Variants in AGAP1 observed in about 807,000 individuals in gnomAD.
The protein encoded by AGAP1 is ArfGAP with GTPase domain, ankyrin repeat and PH domain 1, also known as arf-GAP with GTPase, ANK repeat and PH domain-containing protein 1.
Under a neutral mutation model 105.3 loss-of-function variants are expected in AGAP1, and 29 were observed. That is an observed-to-expected ratio of 0.28 (90% CI 0.21 to 0.38). AGAP1 has a LOEUF of 0.38. AGAP1 is among the 10% of genes least tolerant of loss of function. The pLI is 1.00. For synonymous variants in AGAP1, 509 were observed against 485.9 expected, an observed-to-expected ratio of 1.05 and a Z score of -0.63; for missense variants, 998 against 1,165.1, an observed-to-expected ratio of 0.86 and a Z score of 2.09.
At chr2:236,025,480 G>A (rs1192348423) in intron 13 of AGAP1, among the ~76,000 whole-genome samples, 2 of 152,152 alleles carry the variant, frequency 1.3e-5, no homozygotes, top group African/African-American at 4.8e-5. Context: ...TTGAACCTTA[G>A]GAGGAGCATG....
chr2:235,809,863 C>T (rs1376010781), intron 9 of AGAP1, among the ~76,000 whole-genome samples: 1 of 152,170 alleles, frequency 6.6e-6, no homozygotes, highest in Non-Finnish European at 1.5e-5. Context: ...AATAAATGAA[C>T]AATTAAATGA....
At chr2:235,686,554 T>C (rs202244666) in intron 1 of AGAP1, among the ~76,000 whole-genome samples, 6,745 of 51,114 alleles carry the variant, frequency 0.13, 585 homozygotes, top group African/African-American at 0.35. Context: ...GAGATATATA[T>C]ATACACACAC....
rs1318485047 is a variant in AGAP1 at position 236,042,137 on chromosome 2, G to A, written c.1891+1296G>A. ...GAGATGGACCCTGAGCTCCACTTGG[G>A]GAGATGGATCTGGCCAGACCATTTT... On this transcript the variant is annotated intron_variant, in intron 15 of 17. Coordinates refer to ENST00000304032, the MANE Select transcript of AGAP1 (RefSeq NM_001037131.3). This position sits in a 1 kb window ranked among gnomAD's most constrained non-coding sequence, Gnocchi z 5.6. Among the ~76,000 whole-genome samples the A allele has an allele frequency of 6.6e-6, 1 of 152,200 alleles. No homozygotes were observed. Among genetic ancestry groups the A allele is most frequent in the African/African-American group, 2.4e-5 (1 of 41,438 alleles).
intron 1 of AGAP1, among the ~76,000 whole-genome samples, chr2:235,528,034 T>C (rs1014586132): frequency 6.6e-6 from 1 of 152,230 alleles, no homozygotes; most frequent in Non-Finnish European, 1.5e-5. Flanking sequence ...TTCTCAGCAA[T>C]GCAGTGAGGA....
chr2:235,707,371 T>C (rs932830247), intron 1 of AGAP1, among the ~76,000 whole-genome samples: 3 of 151,684 alleles, frequency 2.0e-5, no homozygotes, highest in African/African-American at 7.3e-5. Context: ...GAGCAGGGAG[T>C]GTTCCTCTGA....
At chr2:235,968,675 T>G (rs750760643) in intron 13 of AGAP1, 52 bp downstream of exon 13, 2 of 1,559,824 alleles carry the variant, frequency 1.3e-6, no homozygotes, top group Non-Finnish European at 1.7e-6. Flanking sequence ...GAAAATTCTC[T>G]GTTATTTTTC....
chr2:236,037,049 AAGAG>A (rs1210070065), intron 14 of AGAP1, among the ~76,000 whole-genome samples: 3 of 152,172 alleles, frequency 2.0e-5, no homozygotes, highest in African/African-American at 4.8e-5. Context: ...CTCAGAAAAA[AAGAG>A]AGACGGACTT....
chr2:235,725,554 C>T lies in AGAP1; in HGVS notation c.310+7910C>T, dbSNP rs1368420559. 2.7e-5 allele frequency among the ~76,000 whole-genome samples: 4 copies of T among 150,726 alleles called. No individual in the cohort carries two copies. Among genetic ancestry groups the T allele is most frequent in the South Asian group, 2.1e-4 (1 of 4,794 alleles). On this transcript the variant is annotated intron_variant, in intron 3 of 17. Transcript: ENST00000304032. This position sits in a 1 kb window ranked among gnomAD's most constrained non-coding sequence, Gnocchi z 5.7. ...AATACTCCAGTAACATTTGACTAGT[C>T]GTGAAATCTAGCCATTTAGATTTTT...
chr2:235,853,196 A>G (rs935304426), intron 9 of AGAP1: 1 of 1,055,522 alleles, frequency 9.5e-7, no homozygotes, highest in African/African-American at 1.7e-5. Flanking sequence ...TTAAAATCCA[A>G]GATTGAGCGG....
At chr2:235,514,784 C>T (rs1055310821) in intron 1 of AGAP1, among the ~76,000 whole-genome samples, 3 of 152,218 alleles carry the variant, frequency 2.0e-5, no homozygotes, top group Non-Finnish European at 2.9e-5. Flanking sequence ...TCATCCAGGA[C>T]TGGACACGTG....
rs75085373 is a variant in AGAP1, at chr2:235,994,104, A to G, written c.1645+25481A>G. ...GTGTCCCCCAGCTTCTAATTCCTCT[A>G]GAATATCATGCCCAGGTTAGGCACT... On this transcript the variant is annotated intron_variant, in intron 13 of 17. Coordinates refer to ENST00000304032, the MANE Select transcript of AGAP1 (RefSeq NM_001037131.3). This position sits in a 1 kb window ranked among gnomAD's most constrained non-coding sequence, Gnocchi z 4.4. Among the ~76,000 whole-genome samples, 17 of 152,186 alleles carry G rather than the reference A, an allele frequency of 1.1e-4. No individual in the cohort carries two copies. The East Asian group carries it at 2.9e-3, about 26-fold the overall frequency.
In AGAP1 at chr2:235,867,570, T is replaced by TGTGC. The variant is rs1553655405; in HGVS notation, c.1051-15772_1051-15771insCGTG. ...GTGTGTGTGTGTGTGTGTGTGTGTGTGTGTGCAAGTGAGGGAGGGTGACCC... is the reference window on the plus strand; with the variant it reads ...GTGTGTGTGTGTGTGTGTGTGTGTGTGTGCGTGTGCAAGTGAGGGAGGGTGACCC... On this transcript the variant is annotated intron_variant, in intron 9 of 17. Coordinates refer to ENST00000304032, the MANE Select transcript of AGAP1 (RefSeq NM_001037131.3). The surrounding 1 kb of genome is among the most constrained non-coding windows in gnomAD (Gnocchi z 5.4). Among the ~76,000 whole-genome samples the TGTGC allele has an allele frequency of 6.6e-6, 1 of 150,584 alleles. No homozygotes were observed. The highest frequency in any genetic ancestry group is 1.5e-5 in the Non-Finnish European group (1 of 67,632).
chr2:235,975,061 A>T (rs1480848045), intron 13 of AGAP1, among the ~76,000 whole-genome samples: 1 of 152,238 alleles, frequency 6.6e-6, no homozygotes, highest in Non-Finnish European at 1.5e-5. Flanking sequence ...CTTAATTTTT[A>T]TTGTGCAGAT....
rs530461449 is a variant in AGAP1, at chr2:235,953,491, G to A, written c.1484-14971G>A. ...CTAAGCCTTAAATAGGCAATTAGAA[G>A]TATACTGCATTTTTTTCCCTCCAGC... On this transcript the variant is annotated intron_variant, in intron 12 of 17. Transcript: ENST00000304032. The surrounding 1 kb of genome is among the most constrained non-coding windows in gnomAD (Gnocchi z 5.2). Among the ~76,000 whole-genome samples the A allele has an allele frequency of 9.8e-5, 15 of 152,318 alleles. No homozygotes were observed. The highest frequency in any genetic ancestry group is 3.1e-4 in the African/African-American group (13 of 41,586).
At chr2:235,795,925 A>C (rs1023995853) in intron 6 of AGAP1, among the ~76,000 whole-genome samples, 1 of 152,246 alleles carries the variant, frequency 6.6e-6, no homozygotes, top group Non-Finnish European at 1.5e-5. Context: ...TTGAAGTTTC[A>C]TACAACAGTC....
chr2:236,033,196 G>A (rs576018156), intron 13 of AGAP1, among the ~76,000 whole-genome samples: 2 of 152,280 alleles, frequency 1.3e-5, no homozygotes, highest in Admixed American at 6.5e-5. Context: ...AGTGAGCTGA[G>A]ATCATGCCAT....
chr2:235,795,244 A>T (rs749734659), intron 6 of AGAP1, among the ~76,000 whole-genome samples: 13 of 152,110 alleles, frequency 8.5e-5, no homozygotes, highest in Non-Finnish European at 1.9e-4. Context: ...TTGTCATACT[A>T]GTTTTTTGCT....
In AGAP1 at chr2:235,967,960, A is replaced by G. The variant is rs757704930; in HGVS notation, c.1484-502A>G. Among the ~76,000 whole-genome samples, 1 of 152,256 alleles carries G rather than the reference A, an allele frequency of 6.6e-6. No homozygotes were observed. The highest frequency in any genetic ancestry group is 2.4e-5 in the African/African-American group (1 of 41,476). ...TGGCATAGAATTTTTCACTGATAAT[A>G]AAACAAGATGAAGTTATAGTCATCT... On this transcript the variant is annotated intron_variant, in intron 12 of 17. Coordinates refer to ENST00000304032, the MANE Select transcript of AGAP1 (RefSeq NM_001037131.3). The surrounding 1 kb of genome is among the most constrained non-coding windows in gnomAD (Gnocchi z 4.7).
Position 235,971,065 on chromosome 2 carries a change from C to T in AGAP1, c.1645+2442C>T, listed in dbSNP as rs1197098998. Among the ~76,000 whole-genome samples the T allele has an allele frequency of 6.6e-6, 1 of 152,142 alleles. No individual in the cohort carries two copies. Among genetic ancestry groups the T allele is most frequent in the Non-Finnish European group, 1.5e-5 (1 of 68,032 alleles). ...AAGCGGGTGACGTGTGTTTGGAAGTCCAAGGCAGAGGTTCCAAGGGAGCCA... is the reference window on the plus strand; with the variant it reads ...AAGCGGGTGACGTGTGTTTGGAAGTTCAAGGCAGAGGTTCCAAGGGAGCCA... On this transcript the variant is annotated intron_variant, in intron 13 of 17. Transcript: ENST00000304032. This position sits in a 1 kb window ranked among gnomAD's most constrained non-coding sequence, Gnocchi z 4.8.
Sources: gnomAD v4.1 joint callset for allele counts (sites outside exome capture counted in the v4.1 genomes callset) on GRCh38, gnomAD v4.1.1 for gene constraint, Gnocchi (gnomAD v3.1) non-coding constraint, MANE v1.5 for transcripts, NCBI Gene and HGNC (gene_info 2026-07-23, HGNC 2026-07-21) for gene names.